The following RPTOR variants were observed in gnomAD, a reference collection of about 807,000 sequenced individuals.
RPTOR encodes the protein regulatory associated protein of MTOR complex 1.
A neutral mutation model predicts 169.9 loss-of-function variants in RPTOR; 21 were observed. That is an observed-to-expected ratio of 0.12 (90% CI 0.09 to 0.18). The LOEUF (loss-of-function observed/expected upper bound fraction) is 0.18. Ranked by LOEUF, RPTOR falls within the 10% of genes least tolerant of loss-of-function variation. The probability of loss-of-function intolerance (pLI) is 1.00; values close to 1 mark genes in which losing one functional copy is unlikely to be tolerated. For synonymous variants in RPTOR, 732 were observed against 753.2 expected (o/e 0.97, Z 0.46); for missense variants, 1,133 against 1,855.9 (o/e 0.61, Z 7.16).
intron 4 of RPTOR, among the ~76,000 whole-genome samples, chr17:80,727,817 T>G (rs1254176791): frequency 6.6e-6 from 1 of 152,176 alleles, no homozygotes; most frequent in Non-Finnish European, 1.5e-5. Flanking sequence ...TTCTATAGGA[T>G]GGATATCTAG....
Position 80,695,073 on chromosome 17 carries a change from G to T in RPTOR, c.349-12768G>T, listed in dbSNP as rs1409793425. Among the ~76,000 whole-genome samples, 1 of 152,156 alleles carries T rather than the reference G, an allele frequency of 6.6e-6. No homozygotes were observed. The highest frequency in any genetic ancestry group is 6.5e-5 in the Admixed American group (1 of 15,282). On this transcript the variant is annotated intron_variant, in intron 3 of 33. Transcript: ENST00000306801. The surrounding 1 kb of genome is among the most constrained non-coding windows in gnomAD (Gnocchi z 4.9). ...GACATGGGCCTGTGCGGGGCTGGCTGTGTGGCCCCGTGAGGGTTACTGAAC... is the reference window on the plus strand; with the variant it reads ...GACATGGGCCTGTGCGGGGCTGGCTTTGTGGCCCCGTGAGGGTTACTGAAC...
intron 1 of RPTOR, among the ~76,000 whole-genome samples, chr17:80,555,781 G>T (rs1339762443): frequency 6.6e-6 from 1 of 152,148 alleles, no homozygotes; most frequent in African/African-American, 2.4e-5. Context: ...CATGTAGTTG[G>T]TGATGGGGAG....
At chr17:80,684,377 CT>C (rs34731683) in intron 3 of RPTOR, among the ~76,000 whole-genome samples, 26,325 of 146,560 alleles carry the variant, frequency 0.18, 3,683 homozygotes, top group African/African-American at 0.39. Flanking sequence ...TCTTGTCTTT[CT>C]TTTTTTTTTA....
chr17:80,637,739 A>G (rs571353806), intron 2 of RPTOR, among the ~76,000 whole-genome samples: 5 of 152,308 alleles, frequency 3.3e-5, no homozygotes, highest in African/African-American at 1.2e-4. Flanking sequence ...GAGAATGCAA[A>G]GGTTTGTCAG....
At chr17:80,856,858 T>A (rs2067858410) in intron 12 of RPTOR, among the ~76,000 whole-genome samples, 1 of 152,170 alleles carries the variant, frequency 6.6e-6, no homozygotes, top group Non-Finnish European at 1.5e-5. Flanking sequence ...AATACATGAA[T>A]CGAGGCTGGA....
Position 80,868,762 on chromosome 17 carries a change from A to G in RPTOR, c.1509+10862A>G, listed in dbSNP as rs141729045. Among the ~76,000 whole-genome samples, 307 of 152,372 alleles carry G rather than the reference A, an allele frequency of 2.0e-3. 1 individual carries two copies. Among genetic ancestry groups the G allele is most frequent in the African/African-American group, 6.6e-3 (275 of 41,590 alleles). On this transcript the variant is annotated intron_variant, in intron 13 of 33. Transcript: ENST00000306801. ...CAAGCGGATGAATAAGCAAACTGCAATCTTTCCATGCGATGAAATCGTACT... is the reference window on the plus strand; with the variant it reads ...CAAGCGGATGAATAAGCAAACTGCAGTCTTTCCATGCGATGAAATCGTACT...
chr17:80,681,858 T>C (rs564882886), intron 3 of RPTOR, among the ~76,000 whole-genome samples: 19 of 152,108 alleles, frequency 1.2e-4, no homozygotes, highest in South Asian at 2.1e-4. Flanking sequence ...GCTGAAAAAT[T>C]AGATAATAAA....
At chr17:80,875,853 G>T (rs1567962068) in intron 13 of RPTOR, among the ~76,000 whole-genome samples, 1 of 142,552 alleles carries the variant, frequency 7.0e-6, no homozygotes, top group Admixed American at 7.0e-5. Flanking sequence ...TGTGTCACCT[G>T]CTGGGTCTTC....
intron 9 of RPTOR, among the ~76,000 whole-genome samples, chr17:80,827,289 C>T (rs1016106551): frequency 6.6e-6 from 1 of 152,248 alleles, no homozygotes; most frequent in African/African-American, 2.4e-5. Context: ...GCCATCTAAT[C>T]CTGTGTGACA....
At chr17:80,665,432 C>T (rs1384821763) in intron 3 of RPTOR, among the ~76,000 whole-genome samples, 3 of 15,250 alleles carry the variant, frequency 2.0e-4, no homozygotes, top group African/African-American at 8.1e-4. Flanking sequence ...CCTTTCCTTT[C>T]CTTTCCTTTC....
chr17:80,919,034 G>A (rs1332668247), intron 21 of RPTOR, among the ~76,000 whole-genome samples: 1 of 152,212 alleles, frequency 6.6e-6, no homozygotes, highest in Non-Finnish European at 1.5e-5. Context: ...AGACACCTCG[G>A]CCTCCACTGA....
At chr17:80,600,931 G>A (rs2065181073) in intron 1 of RPTOR, among the ~76,000 whole-genome samples, 2 of 150,770 alleles carry the variant, frequency 1.3e-5, no homozygotes, top group African/African-American at 4.9e-5. Context: ...CCCGCCGCAC[G>A]TGCCCTCTCT....
chr17:80,637,066 C>G (rs72849118), intron 2 of RPTOR, among the ~76,000 whole-genome samples: 4,654 of 152,184 alleles, frequency 0.031, 86 homozygotes, highest in Non-Finnish European at 0.044. Context: ...TATGTAGAAC[C>G]CTGAGTATGG....
intron 1 of RPTOR, among the ~76,000 whole-genome samples, chr17:80,553,858 C>T (rs2084374385): frequency 6.6e-6 from 1 of 152,114 alleles, no homozygotes; most frequent in Non-Finnish European, 1.5e-5. Context: ...TCTCCTGCCT[C>T]AGCCTCCTGA....
chr17:80,853,971 A>T (rs1460420813), intron 11 of RPTOR, among the ~76,000 whole-genome samples: 3 of 151,070 alleles, frequency 2.0e-5, no homozygotes, highest in Non-Finnish European at 4.4e-5. Context: ...ACCGAGTGAG[A>T]CTCTGTCTCA....
intron 20 of RPTOR, among the ~76,000 whole-genome samples, chr17:80,896,184 G>A (rs1342225439): frequency 6.6e-6 from 1 of 151,918 alleles, no homozygotes; most frequent in Non-Finnish European, 1.5e-5. Flanking sequence ...TCTCTGTGGT[G>A]AGGTGGGGAT....
intron 3 of RPTOR, among the ~76,000 whole-genome samples, chr17:80,706,635 T>C (rs940512638): frequency 5.9e-5 from 9 of 152,204 alleles, no homozygotes; most frequent in Non-Finnish European, 1.3e-4. Flanking sequence ...GCTGTCTTAA[T>C]GAGAGGCCCT....
At chr17:80,563,314 C>A (rs923185378) in intron 1 of RPTOR, among the ~76,000 whole-genome samples, 2 of 151,428 alleles carry the variant, frequency 1.3e-5, no homozygotes, top group African/African-American at 2.4e-5. Flanking sequence ...GCGGGTGGAT[C>A]ACGAGGTCAG....
chr17:80,780,605 T>A (rs1345825541), intron 6 of RPTOR, among the ~76,000 whole-genome samples: 2 of 152,192 alleles, frequency 1.3e-5, no homozygotes, highest in African/African-American at 4.8e-5. Flanking sequence ...AACCGTGACC[T>A]GTGATACGTA....
Sources: gnomAD v4.1 joint callset for allele counts (sites outside exome capture counted in the v4.1 genomes callset) on GRCh38, gnomAD v4.1.1 for gene constraint, Gnocchi (gnomAD v3.1) non-coding constraint, MANE v1.5 for transcripts, NCBI Gene and HGNC (gene_info 2026-07-23, HGNC 2026-07-21) for gene names.